The following RAN variants were observed in gnomAD, a reference collection of about 807,000 sequenced individuals.
RAN encodes the protein GTP-binding nuclear protein Ran.
A neutral mutation model predicts 26.8 loss-of-function variants in RAN; 2 were observed. The observed-to-expected ratio is 0.07, with a 90% CI of 0.03 to 0.23. The LOEUF is 0.23. Among genes scored for constraint, RAN ranks in the 10% least tolerant of loss-of-function variants. The probability of loss-of-function intolerance (pLI) is 1.00; values close to 1 mark genes in which losing one functional copy is unlikely to be tolerated. For synonymous variants in RAN, 132 were observed against 95.9 expected (o/e 1.38, Z -2.20); for missense variants, 56 against 264.8 (o/e 0.21, Z 5.47).
At chr12:130,874,416 G>C in intron 4 of RAN, 130 bp from the exon 5 acceptor site, 1 of 650,866 alleles carries the variant, frequency 1.5e-6, no homozygotes, top group Non-Finnish European at 2.6e-6. Context: ...GACCTTGAAA[G>C]TGAGGGGAGA....
rs1483442509 is a variant in RAN, at chr12:130,876,473, T to G, written c.*547T>G. ...CAAACTGATGATGACAGGTCAGCAG[T>G]ATTCTATTTGGTTAGAAGGGTTACA... On this transcript the variant is annotated 3_prime_UTR_variant, in exon 7 of 7. Coordinates refer to ENST00000543796, the MANE Select transcript of RAN (RefSeq NM_006325.5). The G allele has an allele frequency of 6.4e-6, 1 of 156,698 alleles. No homozygotes were observed. Among genetic ancestry groups the G allele is most frequent in the Non-Finnish European group, 1.4e-5 (1 of 71,116 alleles). The allele number at this position is 156,698 out of a possible 1,614,324, so 9.7% of individuals were successfully genotyped here. A position where few individuals can be genotyped will look rare whatever the true frequency, so the allele number is the denominator to read the frequency against.
rs149783374 is a variant in RAN at position 130,874,559 on chromosome 12, C to T, written c.261C>T (p.Ile87=). Residue 87 remains isoleucine (I), a synonymous_variant, in exon 5 of 7, where the codon ATC becomes ATT. Transcript: ENST00000543796. ...ATGTTTCTTCAGCCCAGTGTGCCAT[C>T]ATAATGTTTGATGTAACATCGAGAG... The part of the protein sequence containing the change: ...DGYYIQAQCA[I]IMFDVTSRVT... 1.5e-4 allele frequency: 246 copies of T among 1,588,744 alleles called. No individual in the cohort carries two copies. The African/African-American group carries it at 3.1e-3, about 20-fold the overall frequency.
rs1953258955 is a variant in RAN at position 130,877,033 on chromosome 12, GAGAAC to G, written c.*1110_*1114del. ...GCAGTGTGGGGGCTTCTCAGTAATG[GAGAAC>G]AGTTGGTGAAACTTTTTTTTTTTTT... On this transcript the variant is annotated 3_prime_UTR_variant, in exon 7 of 7. Coordinates refer to ENST00000543796, the MANE Select transcript of RAN (RefSeq NM_006325.5). The G allele has an allele frequency of 6.6e-6, 1 of 151,934 alleles. No individual in the cohort carries two copies. The highest frequency in any genetic ancestry group is 1.5e-5 in the Non-Finnish European group (1 of 68,010). 9.4% of individuals were successfully genotyped at this position (151,934 alleles called of 1,614,324 possible).
intron 1 of RAN, 160 bp downstream of exon 1, chr12:130,872,286 G>T (rs1288747263): frequency 6.5e-6 from 1 of 153,604 alleles, no homozygotes; most frequent in African/African-American, 2.4e-5. Flanking sequence ...GCCGGGGCAG[G>T]AGACGGGCGT....
At chr12:130,873,193 T>G in intron 4 of RAN, 65 bp downstream of exon 4, 1 of 1,601,658 alleles carries the variant, frequency 6.2e-7, no homozygotes, top group South Asian at 1.1e-5. Flanking sequence ...TTCAAGGTTA[T>G]AGAAAATCAG....
Position 130,872,592 on chromosome 12 carries a change from C to T in RAN, c.-2C>T, listed in dbSNP as rs1216018884. 11 of 1,519,012 alleles carry T rather than the reference C, an allele frequency of 7.2e-6. No individual in the cohort carries two copies. Among genetic ancestry groups the T allele is most frequent in the Non-Finnish European group, 3.5e-6 (4 of 1,137,118 alleles). The allele number at this position is 1,519,012 out of a possible 1,614,324, so 94.1% of individuals were successfully genotyped here. Reference sequence around the variant, plus strand: ...GTCCTCTGCCTCCGCAGGAACGCCGCGATGGCTGCGCAGGGAGAGCCCCAG... The same window carrying T: ...GTCCTCTGCCTCCGCAGGAACGCCGTGATGGCTGCGCAGGGAGAGCCCCAG... On this transcript the variant is annotated 5_prime_UTR_variant, in exon 2 of 7. Coordinates refer to ENST00000543796, the MANE Select transcript of RAN (RefSeq NM_006325.5).
At position 130,876,169 on chromosome 12, in the gene RAN, T is replaced by C. The variant is rs1565956137; in HGVS notation, c.*243T>C. 3.6e-6 allele frequency: 2 copies of C among 549,334 alleles called. No homozygotes were observed. The highest frequency in any genetic ancestry group is 6.5e-6 in the Non-Finnish European group (2 of 308,698). 34.0% of individuals were successfully genotyped at this position (549,334 alleles called of 1,614,324 possible). On this transcript the variant is annotated 3_prime_UTR_variant, in exon 7 of 7. Coordinates refer to ENST00000543796, the MANE Select transcript of RAN (RefSeq NM_006325.5). ...CGCAGTTGATTCCTTGAGTTTCATA[T>C]ATAAGACTGCTGCAGTCACATCACA...
intron 4 of RAN, chr12:130,873,622 T>C (rs1953182448): frequency 6.2e-6 from 1 of 161,910 alleles, no homozygotes; most frequent in Admixed American, 5.9e-5. Context: ...ATTTAAAAAT[T>C]GCAAGGAAAA....
Position 130,874,744 on chromosome 12 carries a change from T to C in RAN, c.435+11T>C, listed in dbSNP as rs576550909. ...AAGAAGAATCTTCAGGTGTGTAAAA[T>C]TAAAACTTCCTGAGTTATTTCTCTT... On this transcript the variant is annotated intron_variant, in intron 5 of 6. Transcript: ENST00000543796. 87 of 1,602,836 alleles carry C rather than the reference T, an allele frequency of 5.4e-5. 1 individual carries two copies. The highest frequency in any genetic ancestry group is 5.0e-4 in the Middle Eastern group (3 of 6,008).
chr12:130,875,270 G>T (rs2066815999), intron 5 of RAN, among the ~76,000 whole-genome samples: 1 of 151,962 alleles, frequency 6.6e-6, no homozygotes, highest in African/African-American at 2.4e-5. Context: ...TGCCCAGGCA[G>T]GAGTGCAGTG....
chr12:130,872,750 A>G, intron 2 of RAN, 86 bp from the exon 3 acceptor site: 4 of 1,581,904 alleles, frequency 2.5e-6, no homozygotes, highest in Non-Finnish European at 3.5e-6. Context: ...GTTTTAAGTG[A>G]GCCTGTGGTG....
chr12:130,874,033 G>C (rs1253204900), intron 4 of RAN: 1 of 388,822 alleles, frequency 2.6e-6, no homozygotes, highest in Non-Finnish European at 5.2e-6. Flanking sequence ...TTTTTTTGTA[G>C]AGATGGGGAT....
chr12:130,872,456 GGCCGCCATGGC>G (rs1953153933), intron 1 of RAN, 117 bp from the exon 2 acceptor site: 2 of 490,136 alleles, frequency 4.1e-6, no homozygotes, highest in Non-Finnish European at 5.7e-6. Context: ...TCCCAGGCCT[GGCCGCCATGGC>G]GCCGCGGGCG....
At chr12:130,875,849 G>A in intron 6 of RAN, 33 bp from the exon 7 acceptor site, 2 of 1,614,060 alleles carry the variant, frequency 1.2e-6, no homozygotes, top group South Asian at 1.1e-5. Context: ...GTTTTGATCT[G>A]GAGTGTTAAC....
At position 130,874,562 on chromosome 12, in the gene RAN, A is replaced by C. The variant is rs748590216; in HGVS notation, c.264A>C (p.Ile88=). The C allele has an allele frequency of 1.3e-6, 2 of 1,590,372 alleles. No homozygotes were observed. The highest frequency in any genetic ancestry group is 3.4e-5 in the Admixed American group (2 of 59,620). ...TTTCTTCAGCCCAGTGTGCCATCAT[A>C]ATGTTTGATGTAACATCGAGAGTTA... is the stretch of plus-strand genomic sequence containing the variant. The part of the protein sequence containing the change: ...GYYIQAQCAI[I]MFDVTSRVTY... Residue 88 remains isoleucine, a synonymous_variant, in exon 5 of 7, where the codon ATA becomes ATC. Transcript: ENST00000543796.
rs1387637020 is a variant in RAN at position 130,876,902 on chromosome 12, A to T, written c.*976A>T. ...GAACATTTAAGTTCTTCAGCAGTTCACACTACACCGTTTTTTTGTTTTTTT... is the reference window on the plus strand; with the variant it reads ...GAACATTTAAGTTCTTCAGCAGTTCTCACTACACCGTTTTTTTGTTTTTTT... On this transcript the variant is annotated 3_prime_UTR_variant, in exon 7 of 7. Coordinates refer to ENST00000543796, the MANE Select transcript of RAN (RefSeq NM_006325.5). 1 of 152,092 alleles carries T rather than the reference A, an allele frequency of 6.6e-6. No homozygotes were observed. Among genetic ancestry groups the T allele is most frequent in the African/African-American group, 2.4e-5 (1 of 41,382 alleles). The allele number at this position is 152,092 out of a possible 1,614,324, so 9.4% of individuals were successfully genotyped here.
In RAN at chr12:130,872,114, A is replaced by G. The variant is rs1171494780; in HGVS notation, c.-23A>G. On this transcript the variant is annotated 5_prime_UTR_variant, in exon 1 of 7. Transcript: ENST00000543796. Reference sequence around the variant, plus strand: ...CAGCCTCAGTCGGACGGGCGCGGAGACGCTTCTGGAAGGTATCGCGACCCG... The same window carrying G: ...CAGCCTCAGTCGGACGGGCGCGGAGGCGCTTCTGGAAGGTATCGCGACCCG... 1 of 309,774 alleles carries G rather than the reference A, an allele frequency of 3.2e-6. No homozygotes were observed. The highest frequency in any genetic ancestry group is 2.3e-5 in the African/African-American group (1 of 43,884). 19.2% of individuals were successfully genotyped at this position (309,774 alleles called of 1,614,324 possible).
chr12:130,876,033 A>G lies in RAN; in HGVS notation c.*107A>G. The G allele has an allele frequency of 1.7e-6, 2 of 1,157,758 alleles. No homozygotes were observed. The highest frequency in any genetic ancestry group is 2.5e-6 in the Non-Finnish European group (2 of 787,506). 71.7% of individuals were successfully genotyped at this position (1,157,758 alleles called of 1,614,324 possible). On this transcript the variant is annotated 3_prime_UTR_variant, in exon 7 of 7. Transcript: ENST00000543796. ...CCTCATTATTATCTAGCTAAGCGGAACATGTGCTTCATCTGTGGGATGCTG... is the reference window on the plus strand; with the variant it reads ...CCTCATTATTATCTAGCTAAGCGGAGCATGTGCTTCATCTGTGGGATGCTG...
chr12:130,875,045 C>T (rs12304356), intron 5 of RAN, among the ~76,000 whole-genome samples: 9,111 of 152,196 alleles, frequency 0.06, 363 homozygotes, highest in Non-Finnish European at 0.087. Context: ...AGGCTGATCT[C>T]CAACTCCTGA....
Sources: allele counts gnomAD v4.1 joint callset (sites outside exome capture counted in the v4.1 genomes callset), GRCh38; gene constraint gnomAD v4.1.1; transcripts MANE v1.5; gene names NCBI Gene and HGNC (gene_info 2026-07-23, HGNC 2026-07-21).